Variants in PNPLA1 observed in about 807,000 individuals in gnomAD.
The protein encoded by PNPLA1 is omega-hydroxyceramide transacylase.
In PNPLA1, 36 loss-of-function variants were observed where a neutral mutation model predicts 51.7. The observed-to-expected ratio is 0.70, with a 90% CI of 0.53 to 0.92. PNPLA1 has a LOEUF of 0.92. Among genes scored for constraint, PNPLA1 ranks in the 40% least tolerant of loss-of-function variants. The pLI is 0.00. For missense variants in PNPLA1, 658 were observed against 682.5 expected (o/e 0.96, Z 0.40); for synonymous variants, 293 against 280.1 (o/e 1.05, Z -0.46).
intron 8 of PNPLA1, among the ~76,000 whole-genome samples, chr6:36,309,804 T>A (rs1771347081): frequency 1.3e-5 from 2 of 151,648 alleles, no homozygotes; most frequent in South Asian, 2.1e-4. Flanking sequence ...AAGGCTGGGG[T>A]AAGGGGTAGA....
At chr6:36,297,676 C>T (rs1374168586) in intron 5 of PNPLA1, among the ~76,000 whole-genome samples, 7 of 152,230 alleles carry the variant, frequency 4.6e-5, no homozygotes, top group Non-Finnish European at 8.8e-5. Context: ...CGCAGGCTGG[C>T]GTGCTTGAAA....
intron 1 of PNPLA1, among the ~76,000 whole-genome samples, chr6:36,260,240 T>C (rs1344287381): frequency 2.6e-5 from 4 of 152,028 alleles, no homozygotes; most frequent in Non-Finnish European, 4.4e-5. Flanking sequence ...CAGTGAGCTA[T>C]GACACATCAC....
At chr6:36,245,605 G>A (rs1769256618) in intron 1 of PNPLA1, among the ~76,000 whole-genome samples, 2 of 152,174 alleles carry the variant, frequency 1.3e-5, no homozygotes. Context: ...GGGAGGGGTG[G>A]GTGGCTCTGC....
intron 1 of PNPLA1, among the ~76,000 whole-genome samples, chr6:36,254,521 A>G (rs896144171): frequency 2.0e-5 from 3 of 151,990 alleles, no homozygotes; most frequent in Non-Finnish European, 2.9e-5. Context: ...GTTGCAGTGA[A>G]CTATGATCAC....
chr6:36,272,087 G>A (rs551289651), intron 1 of PNPLA1, among the ~76,000 whole-genome samples: 9 of 152,244 alleles, frequency 5.9e-5, no homozygotes, highest in Admixed American at 4.6e-4. Flanking sequence ...TGATTCAAGC[G>A]CATTACATTT....
chr6:36,257,435 C>T (rs1471856869), intron 1 of PNPLA1, among the ~76,000 whole-genome samples: 1 of 152,216 alleles, frequency 6.6e-6, no homozygotes, highest in Non-Finnish European at 1.5e-5. Context: ...CCATAGATGG[C>T]ACAGCACATA....
intron 1 of PNPLA1, among the ~76,000 whole-genome samples, chr6:36,282,109 GA>G (rs1457022741): frequency 2.3e-4 from 33 of 141,068 alleles, no homozygotes; most frequent in African/African-American, 7.8e-4. Context: ...AGGAAGGAAG[GA>G]AGGAAGGAAG....
chr6:36,290,253 T>G (rs1352517568), intron 1 of PNPLA1, among the ~76,000 whole-genome samples: 1 of 152,214 alleles, frequency 6.6e-6, no homozygotes, highest in East Asian at 1.9e-4. Flanking sequence ...TTTAAAAAAG[T>G]TAGCAATCCT....
intron 5 of PNPLA1, among the ~76,000 whole-genome samples, chr6:36,296,276 T>C (rs1770854855): frequency 6.6e-6 from 1 of 152,162 alleles, no homozygotes; most frequent in South Asian, 2.1e-4. Flanking sequence ...ACCCTGTCTC[T>C]AAAAAAAGAA....
At position 36,292,809 on chromosome 6, in the gene PNPLA1, G is replaced by A. The variant is rs2285128; in HGVS notation, c.439-252G>A. On this transcript the variant is annotated intron_variant, in intron 2 of 8. Transcript: ENST00000636260. ...AAAGTTCAGCATCAGAAGGAACCCC[G>A]AAGCTATGGAGGACCCCCTCCTGCT... Among the ~76,000 whole-genome samples the A allele has an allele frequency of 0.12, 17,932 of 152,214 alleles. 1,302 individuals are homozygous for A. The highest frequency in any genetic ancestry group is 0.23 in the Admixed American group (3,485 of 15,296).
rs182215615 is a variant in PNPLA1, at chr6:36,281,394, C to A, written c.206-9926C>A. On this transcript the variant is annotated intron_variant, in intron 1 of 8. Coordinates refer to ENST00000636260, the MANE Select transcript of PNPLA1 (RefSeq NM_001374623.1). ...AAAGGTATTCTGCTCAAATTCCCAT[C>A]CTAGTGTCTTTTGAATAACAGCTAT... 1.2e-3 allele frequency among the ~76,000 whole-genome samples: 190 copies of A among 152,328 alleles called. 3 individuals are homozygous for A. The South Asian group carries it at 0.032, about 26-fold the overall frequency.
chr6:36,265,703 A>G (rs1769745074), upstream of PNPLA1, among the ~76,000 whole-genome samples: 1 of 152,240 alleles, frequency 6.6e-6, no homozygotes, highest in African/African-American at 2.4e-5. Context: ...ACATTGAGTT[A>G]TCTGTCATCA....
At chr6:36,290,411 A>G (rs1188517468) in intron 1 of PNPLA1, among the ~76,000 whole-genome samples, 1 of 152,174 alleles carries the variant, frequency 6.6e-6, no homozygotes, top group Non-Finnish European at 1.5e-5. Context: ...GGGGTCACAC[A>G]TCCTAGGTTG....
In PNPLA1 at chr6:36,300,161, T is replaced by TTGTGTGTGTGTGTGTGTGTGTGTGTG. The variant is rs145503312; in HGVS notation, c.776-1682_776-1681insTGTGTGTGTGTGTGTGTGTGTGTGTG. 8.2e-4 allele frequency among the ~76,000 whole-genome samples: 84 copies of TTGTGTGTGTGTGTGTGTGTGTGTGTG among 102,928 alleles called. 2 individuals are homozygous for TTGTGTGTGTGTGTGTGTGTGTGTGTG. Among genetic ancestry groups the TTGTGTGTGTGTGTGTGTGTGTGTGTG allele is most frequent in the Middle Eastern group, 4.1e-3 (1 of 244 alleles). 67.5% of individuals were successfully genotyped at this position (102,928 alleles called of 152,430 possible). A position where few individuals can be genotyped will look rare whatever the true frequency, so the allele number is the denominator to read the frequency against. On this transcript the variant is annotated intron_variant, in intron 5 of 8. Transcript: ENST00000636260. ...ACAGTTTCTCAGACTTTTCTTATTC[T>TTGTGTGTGTGTGTGTGTGTGTGTGTG]TGTGTGTGTGTGTGTGTGAGAGAGA...
upstream of PNPLA1, among the ~76,000 whole-genome samples, chr6:36,269,103 G>T (rs1769833318): frequency 6.6e-6 from 1 of 152,212 alleles, no homozygotes; most frequent in South Asian, 2.1e-4. Context: ...TGCCCTCACT[G>T]TGGAATTCCC....
intron 1 of PNPLA1, among the ~76,000 whole-genome samples, chr6:36,290,874 G>A (rs150200409): frequency 6.4e-4 from 98 of 152,276 alleles, no homozygotes; most frequent in Non-Finnish European, 1.2e-3. Context: ...ATCCCAGGGC[G>A]TCACTTAGGA....
chr6:36,256,100 G>A (rs1769526699), intron 1 of PNPLA1, among the ~76,000 whole-genome samples: 1 of 152,096 alleles, frequency 6.6e-6, no homozygotes, highest in African/African-American at 2.4e-5. Context: ...TATCCTACAG[G>A]TGATATAATT....
rs373765853 is a variant in PNPLA1 at position 36,270,318 on chromosome 6, C to A, written c.-142C>A. On this transcript the variant is annotated 5_prime_UTR_variant, in exon 1 of 9. Transcript: ENST00000636260. ...CTGAGCAGCCTGTGGTTGCTCCAGC[C>A]GGGTAGAGACAGCCACATTCCAAGC... 1.3e-5 allele frequency: 11 copies of A among 836,546 alleles called. No homozygotes were observed. Among genetic ancestry groups the A allele is most frequent in the Admixed American group, 1.2e-4 (5 of 43,358 alleles). The allele number at this position is 836,546 out of a possible 1,614,324, so 51.8% of individuals were successfully genotyped here.
Position 36,287,066 on chromosome 6 carries a change from T to C in PNPLA1, c.206-4254T>C, listed in dbSNP as rs377161650. ...GGTGAGCTGACCACAGTAATCAATA[T>C]TGTTAACTCTCGCTGTCTATCCATC... On this transcript the variant is annotated intron_variant, in intron 1 of 8. Coordinates refer to ENST00000636260, the MANE Select transcript of PNPLA1 (RefSeq NM_001374623.1). Among the ~76,000 whole-genome samples the C allele has an allele frequency of 3.3e-5, 5 of 152,206 alleles. No individual in the cohort carries two copies. In the East Asian group the frequency reaches 5.8e-4, roughly 18 times the overall value.
Sources: allele counts gnomAD v4.1 joint callset (sites outside exome capture counted in the v4.1 genomes callset), GRCh38; gene constraint gnomAD v4.1.1; transcripts MANE v1.5; gene names NCBI Gene and HGNC (gene_info 2026-07-23, HGNC 2026-07-21).